The following CNTNAP2 variants were observed in gnomAD, a reference collection of about 807,000 sequenced individuals.
CNTNAP2 encodes contactin associated protein 2.
CNTNAP2 carries 98 observed loss-of-function variants against 155.2 expected under a neutral mutation model. The ratio of observed to expected loss-of-function variants is 0.63; its 90% CI spans 0.54 to 0.75. CNTNAP2 has a LOEUF of 0.75. Among genes scored for constraint, CNTNAP2 ranks in the 30% least tolerant of loss-of-function variants. The pLI is 0.00. For missense variants in CNTNAP2, 1,727 were observed against 1,688.1 expected (o/e 1.02, Z -0.40); for synonymous variants, 651 against 631.2 (o/e 1.03, Z -0.47).
chr7:146,843,796 T>A (rs1803790755), intron 3 of CNTNAP2, among the ~76,000 whole-genome samples: 1 of 152,132 alleles, frequency 6.6e-6, no homozygotes. Context: ...TAGAGTTTTT[T>A]AATCCACTAC....
intron 11 of CNTNAP2, among the ~76,000 whole-genome samples, chr7:147,507,540 CTCTT>C: frequency 5.1e-5 from 7 of 136,458 alleles, no homozygotes; most frequent in Non-Finnish European, 3.1e-5. Context: ...AAGTTGCTTT[CTCTT>C]TCTTTCTTTT....
At chr7:147,513,589 T>A (rs1799059301) in intron 11 of CNTNAP2, among the ~76,000 whole-genome samples, 1 of 152,214 alleles carries the variant, frequency 6.6e-6, no homozygotes, top group African/African-American at 2.4e-5. Context: ...GTAATTACAC[T>A]CATAGAAATC....
intron 9 of CNTNAP2, among the ~76,000 whole-genome samples, chr7:147,383,622 G>A (rs921325987): frequency 5.3e-5 from 8 of 152,040 alleles, no homozygotes; most frequent in Non-Finnish European, 8.8e-5. Context: ...GCCTGTCGGG[G>A]TGGGGAGCAA....
intron 1 of CNTNAP2, among the ~76,000 whole-genome samples, chr7:146,721,569 TATTCTATATAC>T (rs1801317758): frequency 8.7e-6 from 1 of 115,218 alleles, no homozygotes; most frequent in Admixed American, 9.0e-5. Context: ...ATTCTATATA[TATTCTATATAC>T]ATTCTATATA....
rs1042861645 is a variant in CNTNAP2, at chr7:147,265,555, A to T, written c.1349-34586A>T. The stretch of plus-strand genomic sequence containing the variant: ...GGAGGGGCAGCTGTGATCTCCGTGG[A>T]TCAGTAGATTTAGTCTCTTCTCCTG... On this transcript the variant is annotated intron_variant, in intron 8 of 23. Coordinates refer to ENST00000361727, the MANE Select transcript of CNTNAP2 (RefSeq NM_014141.6). Among the ~76,000 whole-genome samples the T allele has an allele frequency of 2.0e-5, 3 of 152,140 alleles. No individual in the cohort carries two copies. The East Asian group carries it at 5.8e-4, about 29-fold the overall frequency.
At chr7:147,197,677 A>G (rs1200128885) in intron 8 of CNTNAP2, among the ~76,000 whole-genome samples, 1 of 152,164 alleles carries the variant, frequency 6.6e-6, no homozygotes, top group Non-Finnish European at 1.5e-5. Context: ...GAATTAGAAC[A>G]TTTGGTGTGA....
chr7:147,485,870 A>C (rs1798500209), intron 10 of CNTNAP2, 65 bp from the exon 11 acceptor site: 1 of 1,500,388 alleles, frequency 6.7e-7, no homozygotes, highest in African/African-American at 1.4e-5. Context: ...GACAGCTTGG[A>C]ATTTGGCCAC....
At chr7:146,127,522 G>C (rs534825775) in intron 1 of CNTNAP2, among the ~76,000 whole-genome samples, 1 of 152,166 alleles carries the variant, frequency 6.6e-6, no homozygotes, top group Non-Finnish European at 1.5e-5. Context: ...AAGTAAATGT[G>C]TATCTATCAT....
intron 1 of CNTNAP2, among the ~76,000 whole-genome samples, chr7:146,215,151 C>G (rs187373102): frequency 6.6e-6 from 1 of 152,276 alleles, no homozygotes; most frequent in Non-Finnish European, 1.5e-5. Context: ...TAAACCTGAA[C>G]TACATTTTAA....
chr7:146,411,842 A>AT (rs1168976551), intron 1 of CNTNAP2, among the ~76,000 whole-genome samples: 71 of 121,936 alleles, frequency 5.8e-4, no homozygotes, highest in African/African-American at 2.4e-3. Flanking sequence ...TTATTTATTT[A>AT]TTTATTTTAT....
intron 11 of CNTNAP2, among the ~76,000 whole-genome samples, chr7:147,546,683 G>A (rs1459190407): frequency 6.6e-6 from 1 of 152,184 alleles, no homozygotes; most frequent in Non-Finnish European, 1.5e-5. Flanking sequence ...ACAGGGAAAG[G>A]AGAAAAGCCA....
intron 14 of CNTNAP2, among the ~76,000 whole-genome samples, chr7:147,907,910 C>T (rs953038747): frequency 2.6e-5 from 4 of 151,812 alleles, no homozygotes; most frequent in Non-Finnish European, 5.9e-5. Flanking sequence ...GCTGGGATTA[C>T]AGGCACGCAT....
intron 14 of CNTNAP2, among the ~76,000 whole-genome samples, chr7:147,910,987 TTTTTAC>T (rs1487927770): frequency 6.6e-6 from 1 of 152,200 alleles, no homozygotes; most frequent in Non-Finnish European, 1.5e-5. Flanking sequence ...ATCTTAACCA[TTTTTAC>T]TTTTACAATT....
chr7:147,492,689 C>T (rs949453593), intron 11 of CNTNAP2, among the ~76,000 whole-genome samples: 1 of 152,122 alleles, frequency 6.6e-6, no homozygotes, highest in African/African-American at 2.4e-5. Context: ...AAATGACTGT[C>T]TCCATACTTT....
At chr7:146,886,347 G>A (rs1414276353) in intron 3 of CNTNAP2, among the ~76,000 whole-genome samples, 1 of 149,348 alleles carries the variant, frequency 6.7e-6, no homozygotes. Flanking sequence ...GCCAAAATTT[G>A]CCCTCCTACA....
chr7:148,415,831 TATCAAAACAAA>T lies in CNTNAP2; in HGVS notation c.*218_*228del. On this transcript the variant is annotated 3_prime_UTR_variant, in exon 24 of 24. Coordinates refer to ENST00000361727, the MANE Select transcript of CNTNAP2 (RefSeq NM_014141.6). ...CTTTATAGCTGAGTTTTCCCTTCTG[TATCAAAACAAA>T]ATAATACAAAAAATGCTTTTAGAGT... is the stretch of plus-strand genomic sequence containing the variant. The T allele has an allele frequency of 1.6e-6, 1 of 612,366 alleles. No individual in the cohort carries two copies. The allele number at this position is 612,366 out of a possible 1,614,324, so 37.9% of individuals were successfully genotyped here. A position where few individuals can be genotyped will look rare whatever the true frequency, so the allele number is the denominator to read the frequency against.
intron 1 of CNTNAP2, among the ~76,000 whole-genome samples, chr7:146,347,826 A>G (rs913539436): frequency 3.9e-5 from 6 of 152,148 alleles, no homozygotes; most frequent in African/African-American, 1.4e-4. Flanking sequence ...TTGTCCTCCC[A>G]TAGTGTTGGG....
In CNTNAP2 at chr7:147,300,247, T is replaced by C. The variant is rs370095062; in HGVS notation, c.1455T>C (p.Asn485=). 1.1e-4 allele frequency: 170 copies of C among 1,613,950 alleles called. No individual in the cohort carries two copies. In the Middle Eastern group the frequency reaches 4.5e-3, roughly 42 times the overall value. Residue 485 remains asparagine (N), a synonymous_variant, in exon 9 of 24, where the codon AAT becomes AAC. Transcript: ENST00000361727. ...DGDEASAVRT[N]SPLQVKTGEK... Reference sequence around the variant, plus strand: ...ATGAAGCATCAGCAGTTCGAACTAATAGTCCCCTTCAAGTTAAAACTGGCG... The same window carrying C: ...ATGAAGCATCAGCAGTTCGAACTAACAGTCCCCTTCAAGTTAAAACTGGCG...
chr7:146,879,612 A>G (rs1795498452), intron 3 of CNTNAP2, among the ~76,000 whole-genome samples: 2 of 152,082 alleles, frequency 1.3e-5, no homozygotes, highest in African/African-American at 4.8e-5. Context: ...AGATATGGGA[A>G]TTAAGGCACA....
Sources: allele counts gnomAD v4.1 joint callset (sites outside exome capture counted in the v4.1 genomes callset), GRCh38; gene constraint gnomAD v4.1.1; transcripts MANE v1.5; gene names NCBI Gene and HGNC (gene_info 2026-07-23, HGNC 2026-07-21).